The following TMPRSS9 variants were observed in gnomAD, a reference collection of about 807,000 sequenced individuals.
The protein encoded by TMPRSS9 is transmembrane protease serine 9.
TMPRSS9 carries 113 observed loss-of-function variants against 111.4 expected under a neutral mutation model. The ratio of observed to expected loss-of-function variants is 1.01; its 90% CI spans 0.87 to 1.19. The LOEUF is 1.19. Ranked by LOEUF, TMPRSS9 falls within the 50% of genes most tolerant of loss-of-function variation. The pLI is 0.00. For missense variants in TMPRSS9, 1,803 were observed against 1,513.1 expected, an observed-to-expected ratio of 1.19 and a Z score of -3.18; for synonymous variants, 805 against 659.1, an observed-to-expected ratio of 1.22 and a Z score of -3.39.
chr19:2,372,977 G>A (rs539473307), intron 1 of TMPRSS9, among the ~76,000 whole-genome samples: 2 of 151,466 alleles, frequency 1.3e-5, no homozygotes, highest in Admixed American at 6.6e-5. Context: ...AACCACAGGC[G>A]TGCACCACCA....
At chr19:2,406,351 G>A (rs1970970569) in intron 7 of TMPRSS9, among the ~76,000 whole-genome samples, 2 of 147,176 alleles carry the variant, frequency 1.4e-5, no homozygotes, top group Non-Finnish European at 3.0e-5. Flanking sequence ...TTTTGAGACA[G>A]AGTCTCAGTC....
At chr19:2,417,643 G>A (rs910160161) in intron 12 of TMPRSS9, among the ~76,000 whole-genome samples, 6 of 152,050 alleles carry the variant, frequency 3.9e-5, no homozygotes, top group Non-Finnish European at 7.4e-5. Flanking sequence ...GCAAGACCCT[G>A]TCTCAAAAAA....
rs544979224 is a variant in TMPRSS9 at position 2,403,076 on chromosome 19, C to T, written c.557-6C>T. 2.5e-6 allele frequency: 4 copies of T among 1,603,420 alleles called. No individual in the cohort carries two copies. The highest frequency in any genetic ancestry group is 2.7e-5 in the African/African-American group (2 of 74,882). On this transcript the variant is annotated splice_region_variant and splice_polypyrimidine_tract_variant and intron_variant, in intron 5 of 17. Transcript: ENST00000648592. ...GGTCAGAAAGTCGGTTCTTTTCTGT[C>T]CTCAGGCCGCTGTCCAGGGAACTCC...
rs568105655 is a variant in TMPRSS9 at position 2,372,623 on chromosome 19, T to C, written c.-26+12263T>C. ...TCTGCCTTTCTCTGAATTAAAACGCTCGCTTGTCTGAGACCGGCTGTCTCC... is the reference window on the plus strand; with the variant it reads ...TCTGCCTTTCTCTGAATTAAAACGCCCGCTTGTCTGAGACCGGCTGTCTCC... On this transcript the variant is annotated intron_variant, in intron 1 of 17. Transcript: ENST00000649857. 5.3e-5 allele frequency among the ~76,000 whole-genome samples: 8 copies of C among 152,308 alleles called. No individual in the cohort carries two copies. The South Asian group carries it at 1.7e-3, about 32-fold the overall frequency.
chr19:2,364,271 A>G (rs1970230646), intron 1 of TMPRSS9, among the ~76,000 whole-genome samples: 1 of 152,184 alleles, frequency 6.6e-6, no homozygotes, highest in Non-Finnish European at 1.5e-5. Context: ...GCTGAGGCGA[A>G]CCTTGGGGTT....
upstream of TMPRSS9, among the ~76,000 whole-genome samples, chr19:2,387,747 T>C (rs1247033544): frequency 6.6e-6 from 1 of 151,700 alleles, no homozygotes; most frequent in Non-Finnish European, 1.5e-5. Flanking sequence ...TCTCTCTCTT[T>C]AAAAAAGAAA....
At chr19:2,373,116 AG>A (rs1171019636) in intron 1 of TMPRSS9, among the ~76,000 whole-genome samples, 1 of 148,842 alleles carries the variant, frequency 6.7e-6, no homozygotes, top group Non-Finnish European at 1.5e-5. Context: ...TACAGGCATG[AG>A]CCACTGCGCC....
At chr19:2,394,157 C>T (rs1446237628) in intron 1 of TMPRSS9, among the ~76,000 whole-genome samples, 11 of 151,970 alleles carry the variant, frequency 7.2e-5, no homozygotes, top group Non-Finnish European at 1.5e-4. Context: ...GAGCCAAGAT[C>T]GTGCCACTGC....
rs539978667 is a variant in TMPRSS9 at position 2,421,325 on chromosome 19, G to A, written c.2155-529G>A. On this transcript the variant is annotated intron_variant, in intron 13 of 17. Coordinates refer to ENST00000648592, the Ensembl canonical transcript of TMPRSS9. Reference sequence around the variant, plus strand: ...TTTTTTTGAGAGGGAGTCTTGTTCCGTTGCCCAGGCTGGAGTGCAGTGGTG... The same window carrying A: ...TTTTTTTGAGAGGGAGTCTTGTTCCATTGCCCAGGCTGGAGTGCAGTGGTG... 6.1e-4 allele frequency among the ~76,000 whole-genome samples: 92 copies of A among 151,026 alleles called. 1 individual carries two copies. In the South Asian group the frequency reaches 0.014, roughly 24 times the overall value.
chr19:2,368,786 T>TTTTTTTTTTTG (rs1970266839), intron 1 of TMPRSS9, among the ~76,000 whole-genome samples: 1 of 116,584 alleles, frequency 8.6e-6, no homozygotes, highest in African/African-American at 3.7e-5. Flanking sequence ...TTTTTTTTTT[T>TTTTTTTTTTTG]TTTTTTTTTT....
chr19:2,371,780 G>A (rs1189748066), intron 1 of TMPRSS9, among the ~76,000 whole-genome samples: 1 of 151,876 alleles, frequency 6.6e-6, no homozygotes, highest in Non-Finnish European at 1.5e-5. Flanking sequence ...TCACCCCAAA[G>A]CAAACTGACT....
At chr19:2,385,724 G>A (rs1341944041), upstream of TMPRSS9, among the ~76,000 whole-genome samples, 1 of 152,008 alleles carries the variant, frequency 6.6e-6, no homozygotes, top group African/African-American at 2.4e-5. Context: ...GTGGTGGCAT[G>A]CCTGTAGTCC....
Position 2,405,385 on chromosome 19 carries a change from C to T in TMPRSS9, c.682C>T (p.Gln228Ter), listed in dbSNP as rs916433175. The T allele has an allele frequency of 6.2e-7, 1 of 1,600,238 alleles. No individual in the cohort carries two copies. The highest frequency in any genetic ancestry group is 1.8e-5 in the Admixed American group (1 of 57,030). Residue 228 changes from glutamine (Q) to a stop codon, truncating the protein, a stop_gained, in exon 7 of 18, where the codon CAG (glutamine) becomes TAG (stop). Transcript: ENST00000648592. LOFTEE classifies it high-confidence loss of function. The stretch of plus-strand genomic sequence containing the variant: ...CTGCTGTCTTGCAGAGTGTGGCTTG[C>T]AGCCTGCCTGGAGGATGGCCGGCAG...
intron 5 of TMPRSS9, 112 bp from the exon 7 acceptor site, chr19:2,402,966 GGAGA>G: frequency 1.3e-6 from 1 of 748,534 alleles, no homozygotes; most frequent in South Asian, 1.6e-5. Flanking sequence ...GGAAAGAAAA[GGAGA>G]GAGAGAGTTT....
chr19:2,371,841 G>A (rs540310832), intron 1 of TMPRSS9, among the ~76,000 whole-genome samples: 1 of 152,282 alleles, frequency 6.6e-6, no homozygotes, highest in East Asian at 1.9e-4. Flanking sequence ...GGGATGAGTC[G>A]GACTTCCTGC....
intron 1 of TMPRSS9, among the ~76,000 whole-genome samples, chr19:2,376,559 A>G (rs1476143822): frequency 6.6e-6 from 1 of 152,030 alleles, no homozygotes. Flanking sequence ...TCCCAGGTTC[A>G]AGCGATTCTT....
chr19:2,422,472 G>T (rs1322796695), intron 14 of TMPRSS9, among the ~76,000 whole-genome samples: 1 of 152,046 alleles, frequency 6.6e-6, no homozygotes, highest in Non-Finnish European at 1.5e-5. Context: ...TCCCAACTAC[G>T]CGGGAGGCTA....
At chr19:2,404,091 C>T (rs1216332019) in intron 6 of TMPRSS9, among the ~76,000 whole-genome samples, 1 of 151,982 alleles carries the variant, frequency 6.6e-6, no homozygotes, top group East Asian at 1.9e-4. Context: ...TTGCTTGAGC[C>T]CAGTAGATTG....
chr19:2,392,108 G>A (rs1056265598), intron 1 of TMPRSS9, among the ~76,000 whole-genome samples: 1 of 152,072 alleles, frequency 6.6e-6, no homozygotes, highest in Non-Finnish European at 1.5e-5. Flanking sequence ...CAGCACTCTG[G>A]GAGGCTGAGG....
Sources: allele counts gnomAD v4.1 joint callset (sites outside exome capture counted in the v4.1 genomes callset), GRCh38; gene constraint gnomAD v4.1.1; transcripts MANE v1.5; gene names NCBI Gene and HGNC (gene_info 2026-07-23, HGNC 2026-07-21).